PDE3B: variants seen among roughly 807,000 people sequenced by gnomAD.
PDE3B encodes cGMP-inhibited 3',5'-cyclic phosphodiesterase 3B.
Under a neutral mutation model 116.8 loss-of-function variants are expected in PDE3B, and 66 were observed. The observed-to-expected ratio is 0.56, with a 90% CI of 0.46 to 0.69. The LOEUF (loss-of-function observed/expected upper bound fraction) is 0.69, where lower values mean the gene tolerates loss of function less well. Ranked by LOEUF, PDE3B falls within the 30% of genes least tolerant of loss-of-function variation. The probability of loss-of-function intolerance (pLI) is 0.00; values close to 1 mark genes in which losing one functional copy is unlikely to be tolerated. For missense variants in PDE3B, 1,384 were observed against 1,368.1 expected (o/e 1.01, Z -0.18); for synonymous variants, 595 against 533.6 (o/e 1.12, Z -1.59).
rs182903330 is a variant in PDE3B, at chr11:14,836,444, G to A, written c.2320+1349G>A. Among the ~76,000 whole-genome samples, 39 of 151,968 alleles carry A rather than the reference G, an allele frequency of 2.6e-4. No individual in the cohort carries two copies. The East Asian group carries it at 6.4e-3, about 25-fold the overall frequency. ...CTGCCTGATGTTTAGTGAACCTTTT[G>A]AATATGTTGATTGGTAGTTTTTTAC... On this transcript the variant is annotated intron_variant, in intron 11 of 15. Transcript: ENST00000282096.
At chr11:14,761,672 G>T (rs1260349805) in intron 1 of PDE3B, among the ~76,000 whole-genome samples, 1 of 152,054 alleles carries the variant, frequency 6.6e-6, no homozygotes, top group East Asian at 1.9e-4. Context: ...TTTTTTAACA[G>T]ACAAGAGGTT....
At chr11:14,860,443 G>C (rs1847928211) in intron 13 of PDE3B, among the ~76,000 whole-genome samples, 2 of 151,964 alleles carry the variant, frequency 1.3e-5, no homozygotes. Flanking sequence ...AAGCTATGAT[G>C]TGGCTCATTC....
Position 14,818,343 on chromosome 11 carries a change from T to A in PDE3B, c.1683T>A (p.Thr561=). 1 of 1,613,560 alleles carries A rather than the reference T, an allele frequency of 6.2e-7. No individual in the cohort carries two copies. The highest frequency in any genetic ancestry group is 8.5e-7 in the Non-Finnish European group (1 of 1,179,564). ...GATCTCTGGGCAATGCACCTAATAC[T>A]CCAGATTTTTATCAGCAACTTAGAA... ...LQRSLGNAPN[T]PDFYQQLRNS... is the part of the protein sequence containing the mutation. Residue 561 remains threonine (T), a synonymous_variant, in exon 6 of 16, where the codon ACT becomes ACA. Transcript: ENST00000282096.
chr11:14,835,102 C>T lies in PDE3B; in HGVS notation c.2320+7C>T, dbSNP rs751943588. The T allele has an allele frequency of 1.3e-6, 2 of 1,503,208 alleles. No individual in the cohort carries two copies. Among genetic ancestry groups the T allele is most frequent in the South Asian group, 1.2e-5 (1 of 86,218 alleles). The allele number at this position is 1,503,208 out of a possible 1,614,324, so 93.1% of individuals were successfully genotyped here. A position where few individuals can be genotyped will look rare whatever the true frequency, so the allele number is the denominator to read the frequency against. ...GGAACAGGAAATGAAACAGGTACTT[C>T]CTTCTACAAATCTCTTAATTATTTT... On this transcript the variant is annotated splice_region_variant and intron_variant, in intron 11 of 15. Transcript: ENST00000282096.
chr11:14,688,722 T>C (rs1854962291), intron 1 of PDE3B, among the ~76,000 whole-genome samples: 1 of 152,118 alleles, frequency 6.6e-6, no homozygotes, highest in African/African-American at 2.4e-5. Flanking sequence ...AGATAAGTTA[T>C]TACAGCTAGA....
At chr11:14,805,573 C>T (rs147834559) in intron 5 of PDE3B, among the ~76,000 whole-genome samples, 125 of 152,194 alleles carry the variant, frequency 8.2e-4, no homozygotes, top group African/African-American at 2.7e-3. Context: ...TCAATTGTAC[C>T]TCAGTAAATC....
chr11:14,678,860 C>T (rs1854608808), intron 1 of PDE3B, among the ~76,000 whole-genome samples: 1 of 151,950 alleles, frequency 6.6e-6, no homozygotes, highest in Non-Finnish European at 1.5e-5. Context: ...CTTATGTTTT[C>T]TTATAAATCT....
At chr11:14,680,085 C>A (rs760227328) in intron 1 of PDE3B, among the ~76,000 whole-genome samples, 1 of 152,142 alleles carries the variant, frequency 6.6e-6, no homozygotes, top group African/African-American at 2.4e-5. Context: ...CTGGTGCCCA[C>A]GTAACGTCAG....
chr11:14,689,826 TG>T (rs1222606676), intron 1 of PDE3B, among the ~76,000 whole-genome samples: 3 of 152,204 alleles, frequency 2.0e-5, no homozygotes, highest in African/African-American at 4.8e-5. Context: ...GGTTTTCACA[TG>T]GGCATATGTT....
intron 1 of PDE3B, among the ~76,000 whole-genome samples, chr11:14,672,044 T>TAC (rs978144483): frequency 6.9e-6 from 1 of 145,594 alleles, no homozygotes; most frequent in African/African-American, 2.5e-5. Flanking sequence ...TATATATATA[T>TAC]ACATATATAT....
chr11:14,787,745 A>G (rs1858257613), intron 3 of PDE3B, among the ~76,000 whole-genome samples: 1 of 151,872 alleles, frequency 6.6e-6, no homozygotes, highest in African/African-American at 2.4e-5. Context: ...TCTATCTTAT[A>G]AGAAAGAGGT....
At chr11:14,731,512 C>G in intron 1 of PDE3B, among the ~76,000 whole-genome samples, 1 of 152,004 alleles carries the variant, frequency 6.6e-6, no homozygotes, top group Non-Finnish European at 1.5e-5. Flanking sequence ...CCCACTTCAG[C>G]CTCCCAAAGT....
In PDE3B at chr11:14,777,415, G is replaced by A. The variant is rs186438134; in HGVS notation, c.1029+5428G>A. On this transcript the variant is annotated intron_variant, in intron 2 of 15. Coordinates refer to ENST00000282096, the MANE Select transcript of PDE3B (RefSeq NM_000922.4). ...CAAGAAGCTTTCTGAACCCCAAATA[G>A]TATCAACCCCCTCAAAATCTACTCT... Among the ~76,000 whole-genome samples the A allele has an allele frequency of 1.9e-3, 293 of 152,204 alleles. 1 individual carries two copies. The highest frequency in any genetic ancestry group is 6.5e-3 in the African/African-American group (269 of 41,532).
intron 7 of PDE3B, among the ~76,000 whole-genome samples, chr11:14,829,032 C>G (rs1272899808): frequency 6.6e-6 from 1 of 151,954 alleles, no homozygotes; most frequent in Non-Finnish European, 1.5e-5. Context: ...AACTGGAGAC[C>G]ATTATCCTTA....
intron 1 of PDE3B, among the ~76,000 whole-genome samples, chr11:14,683,957 A>G (rs1267807919): frequency 6.6e-6 from 1 of 152,136 alleles, no homozygotes; most frequent in South Asian, 2.1e-4. Context: ...TTTAATTTCT[A>G]GTGTTTGGAG....
At chr11:14,841,374 G>T (rs559789804) in intron 11 of PDE3B, among the ~76,000 whole-genome samples, 164 of 145,766 alleles carry the variant, frequency 1.1e-3, no homozygotes, top group Middle Eastern at 7.1e-3. Flanking sequence ...ATATATATAT[G>T]AATTATATAT....
intron 1 of PDE3B, among the ~76,000 whole-genome samples, chr11:14,760,528 G>T (rs1406935239): frequency 1.3e-5 from 2 of 152,052 alleles, no homozygotes; most frequent in Non-Finnish European, 2.9e-5. Flanking sequence ...CAGCCTAATG[G>T]GTTACTTAGT....
chr11:14,852,316 A>G lies in PDE3B; in HGVS notation c.2521-6727A>G, dbSNP rs181439095. Among the ~76,000 whole-genome samples the G allele has an allele frequency of 1.1e-3, 169 of 152,282 alleles. 1 individual carries two copies. The highest frequency in any genetic ancestry group is 2.2e-3 in the Non-Finnish European group (150 of 68,020). Reference sequence around the variant, plus strand: ...TGTGATCTGTCCGCCTCAGCCTCCCAAAGTGCTGGGATTACAGGCATGAGC... The same window carrying G: ...TGTGATCTGTCCGCCTCAGCCTCCCGAAGTGCTGGGATTACAGGCATGAGC... On this transcript the variant is annotated intron_variant, in intron 12 of 15. Coordinates refer to ENST00000282096, the MANE Select transcript of PDE3B (RefSeq NM_000922.4).
chr11:14,674,269 T>A, intron 1 of PDE3B: 2 of 1,137,266 alleles, frequency 1.8e-6, no homozygotes, highest in Non-Finnish European at 2.7e-6. Flanking sequence ...AGATGTCTTC[T>A]TTCCTGGGGC....
Sources: gnomAD v4.1 joint callset for allele counts (sites outside exome capture counted in the v4.1 genomes callset) on GRCh38, gnomAD v4.1.1 for gene constraint, MANE v1.5 for transcripts, NCBI Gene and HGNC (gene_info 2026-07-23, HGNC 2026-07-21) for gene names.